The following DNTTIP1 variants were observed in gnomAD, a reference collection of about 807,000 sequenced individuals.
DNTTIP1 encodes deoxynucleotidyltransferase terminal-interacting protein 1.
A neutral mutation model predicts 52.9 loss-of-function variants in DNTTIP1; 22 were observed. The ratio of observed to expected loss-of-function variants is 0.42; its 90% CI spans 0.30 to 0.59. The LOEUF (loss-of-function observed/expected upper bound fraction) is 0.59, where lower values mean the gene tolerates loss of function less well. Ranked by LOEUF, DNTTIP1 falls within the 20% of genes least tolerant of loss-of-function variation. The probability of loss-of-function intolerance (pLI) is 0.22; values close to 1 mark genes in which losing one functional copy is unlikely to be tolerated. For synonymous variants in DNTTIP1, 136 were observed against 155.1 expected (o/e 0.88, Z 0.92); for missense variants, 286 against 435.5 (o/e 0.66, Z 3.06).
chr20:45,792,012 C>A lies in DNTTIP1; in HGVS notation c.8C>A (p.Ala3Asp). The change falls in exon 1 of 13, where the codon GCC becomes GAC. Residue 3 changes from alanine (A) to aspartate (D), a missense_variant. This residue lies in a region of DNTTIP1 where 208 missense variants were observed against 266.5 expected (regional missense o/e 0.78). Coordinates refer to ENST00000372622, the MANE Select transcript of DNTTIP1 (RefSeq NM_052951.3). ...GTGGGGGCCGGGGGCGCCATGGGAG[C>A]CACTGGCGACGCCGAGCAGCCGCGG... The part of the protein sequence containing the change: MG[A>D]TGDAEQPRGP... The A allele has an allele frequency of 7.9e-7, 1 of 1,264,070 alleles. No individual in the cohort carries two copies. The highest frequency in any genetic ancestry group is 1.0e-6 in the Non-Finnish European group (1 of 1,003,456). The allele number at this position is 1,264,070 out of a possible 1,614,324, so 78.3% of individuals were successfully genotyped here.
Sources: allele counts gnomAD v4.1 joint callset, GRCh38; gene constraint gnomAD v4.1.1; regional missense constraint gnomAD v4.1.1; transcripts MANE v1.5; gene names NCBI Gene and HGNC (gene_info 2026-07-23, HGNC 2026-07-21).